The following SERPIND1 variants were observed in gnomAD, a reference collection of about 807,000 sequenced individuals.
SERPIND1 encodes the protein serpin family D member 1, also known as heparin cofactor 2.
A neutral mutation model predicts 35.0 loss-of-function variants in SERPIND1; 34 were observed. That is an observed-to-expected ratio of 0.97 (90% CI 0.74 to 1.29). SERPIND1 has a LOEUF of 1.29. Among genes scored for constraint, SERPIND1 ranks in the 50% most tolerant of loss-of-function variants. SERPIND1 has a pLI of 0.00. For synonymous variants in SERPIND1, 236 were observed against 241.1 expected (o/e 0.98, Z 0.19); for missense variants, 633 against 637.7 (o/e 0.99, Z 0.08).
chr22:20,778,337 C>A (rs1014881081), intron 1 of SERPIND1, among the ~76,000 whole-genome samples: 2 of 152,042 alleles, frequency 1.3e-5, no homozygotes, highest in Non-Finnish European at 2.9e-5. Flanking sequence ...CCCATCTCTA[C>A]TAAACAAAAT....
chr22:20,779,551 T>C lies in SERPIND1; in HGVS notation c.239T>C (p.Leu80Pro), dbSNP rs1933586636. 1 of 1,614,180 alleles carries C rather than the reference T, an allele frequency of 6.2e-7. No individual in the cohort carries two copies. The highest frequency in any genetic ancestry group is 1.3e-5 in the African/African-American group (1 of 75,072). The part of the protein sequence containing the change: ...IPEGEEDDDY[L>P]DLEKIFSEDD... ...GAGGGGGAGGAGGACGACGACTATC[T>C]GGACCTGGAGAAGATATTCAGTGAA... Residue 80 changes from leucine (L) to proline (P), a missense_variant, in exon 2 of 5, where the codon CTG becomes CCG. Physicochemically the swap from Leu to Pro is moderately conservative, Grantham distance 98. Transcript: ENST00000215727.
chr22:20,783,920 G>A lies in SERPIND1; in HGVS notation c.890-52G>A, dbSNP rs557332402. 298 of 1,613,006 alleles carry A rather than the reference G, an allele frequency of 1.8e-4. 4 individuals carry two copies. In the East Asian group the frequency reaches 3.7e-3, roughly 20 times the overall value. ...TCAGATTCACTCTCAAGGGTGAGACGATTTCCCTAAAGGAACCTTCTCATA... is the reference window on the plus strand; with the variant it reads ...TCAGATTCACTCTCAAGGGTGAGACAATTTCCCTAAAGGAACCTTCTCATA... On this transcript the variant is annotated intron_variant, in intron 2 of 4. Transcript: ENST00000215727.
chr22:20,787,148 G>A lies in SERPIND1; in HGVS notation c.*82G>A, dbSNP rs1279177612. On this transcript the variant is annotated 3_prime_UTR_variant, in exon 5 of 5. Coordinates refer to ENST00000215727, the MANE Select transcript of SERPIND1 (RefSeq NM_000185.4). ...CCAACAACGAGAACAGAGATGTTCT[G>A]GCATCATTTACGTAGTTTACGCTAC... The A allele has an allele frequency of 1.6e-6, 2 of 1,272,102 alleles. No individual in the cohort carries two copies. The highest frequency in any genetic ancestry group is 2.3e-6 in the Non-Finnish European group (2 of 874,600). The allele number at this position is 1,272,102 out of a possible 1,614,324, so 78.8% of individuals were successfully genotyped here.
At chr22:20,785,067 C>CCTT (rs1555894633) in intron 3 of SERPIND1, among the ~76,000 whole-genome samples, 46 of 134,436 alleles carry the variant, frequency 3.4e-4, no homozygotes, top group South Asian at 7.2e-4. Flanking sequence ...GGGACTGCAT[C>CCTT]TTTTTTTTTT....
chr22:20,786,453 A>C (rs1202443375), intron 4 of SERPIND1, among the ~76,000 whole-genome samples: 1 of 152,208 alleles, frequency 6.6e-6, no homozygotes, highest in Non-Finnish European at 1.5e-5. Flanking sequence ...AGCTACCCCC[A>C]GCCAAATCAT....
Position 20,786,983 on chromosome 22 carries a change from C to T in SERPIND1, c.1417C>T (p.Arg473Cys), listed in dbSNP as rs552213670. ...LSTQVRFTVD[R>C]PFLFLIYEHR... Reference sequence around the variant, plus strand: ...CACCCAAGTCCGCTTCACTGTCGACCGCCCCTTTCTTTTCCTCATCTACGA... The same window carrying T: ...CACCCAAGTCCGCTTCACTGTCGACTGCCCCTTTCTTTTCCTCATCTACGA... Residue 473 changes from arginine (R) to cysteine (C), a missense_variant, in exon 5 of 5, where the codon CGC (arginine) becomes TGC (cysteine). Physicochemically the swap from Arg to Cys is radical, Grantham distance 180 (BLOSUM62 -3). Transcript: ENST00000215727. The T allele has an allele frequency of 3.7e-6, 6 of 1,614,064 alleles. No homozygotes were observed. Among genetic ancestry groups the T allele is most frequent in the South Asian group, 1.1e-5 (1 of 91,092 alleles).
rs766318776 is a variant in SERPIND1, at chr22:20,786,827, CCT to C, written c.1309-45_1309-44del. 9.6e-6 allele frequency: 15 copies of C among 1,564,016 alleles called. No individual in the cohort carries two copies. The East Asian group carries it at 3.4e-4, about 35-fold the overall frequency. Reference sequence around the variant, plus strand: ...ATGAGATTGTGCTGGGAACTCTAGCCCTCTGTGTGCTGACCTCCAGAATCTGA... The same window carrying C: ...ATGAGATTGTGCTGGGAACTCTAGCCCTGTGTGCTGACCTCCAGAATCTGA... On this transcript the variant is annotated intron_variant, in intron 4 of 4. Transcript: ENST00000215727.
rs1428779222 is a variant in SERPIND1, at chr22:20,787,225, G to C, written c.*159G>C. Reference sequence around the variant, plus strand: ...AGGAGCTTAGAAACGACCAAGAAGAGAGGCTTGTTGGAATCAATTCTGCAC... The same window carrying C: ...AGGAGCTTAGAAACGACCAAGAAGACAGGCTTGTTGGAATCAATTCTGCAC... On this transcript the variant is annotated 3_prime_UTR_variant, in exon 5 of 5. Transcript: ENST00000215727. 1.4e-6 allele frequency: 1 copy of C among 695,382 alleles called. No homozygotes were observed. The highest frequency in any genetic ancestry group is 2.7e-5 in the East Asian group (1 of 37,016). The allele number at this position is 695,382 out of a possible 1,614,324, so 43.1% of individuals were successfully genotyped here.
chr22:20,778,927 G>C (rs922429144), intron 1 of SERPIND1, among the ~76,000 whole-genome samples: 3 of 152,198 alleles, frequency 2.0e-5, no homozygotes, highest in Non-Finnish European at 2.9e-5. Context: ...TGAGCCCCTG[G>C]TGGGAACTTT....
intron 2 of SERPIND1, among the ~76,000 whole-genome samples, chr22:20,782,606 A>G (rs1933883147): frequency 6.6e-6 from 1 of 152,238 alleles, no homozygotes; most frequent in Non-Finnish European, 1.5e-5. Flanking sequence ...CCCAAGAGAC[A>G]TGGGACAGCT....
At chr22:20,785,588 T>G (rs1934152992) in intron 3 of SERPIND1, among the ~76,000 whole-genome samples, 1 of 152,298 alleles carries the variant, frequency 6.6e-6, no homozygotes, top group Non-Finnish European at 1.5e-5. Flanking sequence ...CAGCATTGTC[T>G]AGTATATACA....
intron 1 of SERPIND1, among the ~76,000 whole-genome samples, chr22:20,775,156 C>T (rs1933166903): frequency 6.6e-6 from 1 of 151,734 alleles, no homozygotes; most frequent in Non-Finnish European, 1.5e-5. Flanking sequence ...CAACCCAGCT[C>T]TGGCAATTAG....
chr22:20,779,473 T>G lies in SERPIND1; in HGVS notation c.161T>G (p.Leu54Arg), dbSNP rs563129167. The G allele has an allele frequency of 1.9e-6, 3 of 1,614,046 alleles. No individual in the cohort carries two copies. The highest frequency in any genetic ancestry group is 2.5e-6 in the Non-Finnish European group (3 of 1,180,010). ...QLNNKNLSMP[L>R]LPADFHKENT... ...AATAACAAAAACCTGAGCATGCCTC[T>G]TCTCCCTGCCGACTTCCACAAGGAA... The change falls in exon 2 of 5, where the codon CTT becomes CGT. Residue 54 changes from leucine to arginine, a missense_variant. Coordinates refer to ENST00000215727, the MANE Select transcript of SERPIND1 (RefSeq NM_000185.4).
chr22:20,781,165 C>T (rs887009471), intron 2 of SERPIND1, among the ~76,000 whole-genome samples: 13 of 152,142 alleles, frequency 8.5e-5, no homozygotes, highest in Non-Finnish European at 1.6e-4. Flanking sequence ...CCACACCCAT[C>T]ACACACACAT....
chr22:20,782,695 A>AC (rs1475768259), intron 2 of SERPIND1, among the ~76,000 whole-genome samples: 3 of 152,146 alleles, frequency 2.0e-5, no homozygotes, highest in African/African-American at 4.8e-5. Context: ...GGTTGTCACA[A>AC]CCTGGGGGGT....
intron 1 of SERPIND1, among the ~76,000 whole-genome samples, chr22:20,774,758 CAAAAAA>C (rs361993): frequency 9.3e-6 from 1 of 107,366 alleles, no homozygotes. Flanking sequence ...TAGACTCCGT[CAAAAAA>C]AAAAAAAAAA....
chr22:20,778,265 C>T (rs1010330180), intron 1 of SERPIND1, among the ~76,000 whole-genome samples: 3 of 152,092 alleles, frequency 2.0e-5, no homozygotes, highest in East Asian at 3.9e-4. Context: ...CTTTGGGGGG[C>T]TGAGGTGGGT....
intron 2 of SERPIND1, 121 bp downstream of exon 2, chr22:20,780,322 A>AT (rs1933670152): frequency 6.8e-7 from 1 of 1,476,990 alleles, no homozygotes; most frequent in African/African-American, 1.4e-5. Context: ...TAGACACAAG[A>AT]TTGACTCTGG....
At chr22:20,783,148 G>C (rs1305319570) in intron 2 of SERPIND1, among the ~76,000 whole-genome samples, 1 of 152,182 alleles carries the variant, frequency 6.6e-6, no homozygotes, top group Non-Finnish European at 1.5e-5. Context: ...ATTACTATTA[G>C]TTACTCACAT....
Sources: gnomAD v4.1 joint callset for allele counts (sites outside exome capture counted in the v4.1 genomes callset) on GRCh38, gnomAD v4.1.1 for gene constraint, MANE v1.5 for transcripts, NCBI Gene and HGNC (gene_info 2026-07-23, HGNC 2026-07-21) for gene names.